SOAT2: variants seen among roughly 807,000 people sequenced by gnomAD.
The protein encoded by SOAT2 is ACAT-2.
Under a neutral mutation model 76.0 loss-of-function variants are expected in SOAT2, and 87 were observed. The ratio of observed to expected loss-of-function variants is 1.14; its 90% CI spans 0.96 to 1.37. The LOEUF (loss-of-function observed/expected upper bound fraction) is 1.37, where lower values mean the gene tolerates loss of function less well. Among genes scored for constraint, SOAT2 ranks in the 40% most tolerant of loss-of-function variants. The probability of loss-of-function intolerance (pLI) is 0.00; values close to 1 mark genes in which losing one functional copy is unlikely to be tolerated. For missense variants in SOAT2, 686 were observed against 682.1 expected, an observed-to-expected ratio of 1.01 and a Z score of -0.06; for synonymous variants, 285 against 275.4, an observed-to-expected ratio of 1.03 and a Z score of -0.34.
intron 5 of SOAT2, among the ~76,000 whole-genome samples, chr12:53,112,610 C>T (rs1938031929): frequency 6.6e-6 from 1 of 150,864 alleles, no homozygotes; most frequent in Non-Finnish European, 1.5e-5. Flanking sequence ...AACATGAAAG[C>T]CTTTTAAATA....
At chr12:53,123,032 G>A in intron 12 of SOAT2, 49 bp from the exon 13 acceptor site, 1 of 1,531,136 alleles carries the variant, frequency 6.5e-7, no homozygotes, top group Non-Finnish European at 8.8e-7. Flanking sequence ...GGCTCTTTGT[G>A]GAGGAGCTCA....
At position 53,121,302 on chromosome 12, in the gene SOAT2, G is replaced by A. The variant is rs186039297; in HGVS notation, c.1138-1G>A. 1.2e-5 allele frequency: 20 copies of A among 1,613,318 alleles called. No homozygotes were observed. In the Admixed American group the frequency reaches 1.8e-4, roughly 15 times the overall value. The stretch of plus-strand genomic sequence containing the variant: ...CCCCACTCTGACCCCACCTTCTCCA[G>A]GACTGGTGGAACTCAACGTCCTTCT... On this transcript the variant is annotated splice_acceptor_variant, in intron 11 of 14. Coordinates refer to ENST00000301466, the MANE Select transcript of SOAT2 (RefSeq NM_003578.4). LOFTEE classifies it high-confidence loss of function.
At chr12:53,104,036 G>A in intron 1 of SOAT2, 115 bp from the exon 2 acceptor site, 1 of 890,698 alleles carries the variant, frequency 1.1e-6, no homozygotes, top group Non-Finnish European at 1.9e-6. Flanking sequence ...GATATTGGCT[G>A]GTTGGGGTGA....
chr12:53,116,024 C>A, intron 6 of SOAT2, 73 bp from the exon 7 acceptor site: 1 of 1,314,420 alleles, frequency 7.6e-7, no homozygotes, highest in African/African-American at 1.5e-5. Context: ...AGAGGTAACC[C>A]AGAGCACAGA....
chr12:53,106,710 T>G (rs551434252), intron 5 of SOAT2, among the ~76,000 whole-genome samples: 4 of 152,324 alleles, frequency 2.6e-5, no homozygotes, highest in Admixed American at 6.5e-5. Context: ...CAACTAAAAA[T>G]TACAATTTCC....
At chr12:53,123,333 G>A in intron 13 of SOAT2, 117 bp downstream of exon 13, 1 of 1,307,674 alleles carries the variant, frequency 7.6e-7, no homozygotes, top group Non-Finnish European at 1.1e-6. Context: ...AGGCAAGGCT[G>A]CTGAGACTGA....
chr12:53,124,422 G>C lies in SOAT2; in HGVS notation c.*299G>C. 2.4e-6 allele frequency: 1 copy of C among 419,868 alleles called. No individual in the cohort carries two copies. Among genetic ancestry groups the C allele is most frequent in the Non-Finnish European group, 4.3e-6 (1 of 233,816 alleles). 26.0% of individuals were successfully genotyped at this position (419,868 alleles called of 1,614,324 possible). On this transcript the variant is annotated 3_prime_UTR_variant, in exon 15 of 15. Coordinates refer to ENST00000301466, the MANE Select transcript of SOAT2 (RefSeq NM_003578.4). ...GAGACTTGGGGTACCTTATGGATTT[G>C]ATGAATGTGGGGGAACTCAGAGGAA...
intron 5 of SOAT2, among the ~76,000 whole-genome samples, chr12:53,107,921 C>T (rs1937960216): frequency 6.6e-6 from 1 of 152,094 alleles, no homozygotes; most frequent in Non-Finnish European, 1.5e-5. Flanking sequence ...CTGAGCCCAG[C>T]CATAGTTTTT....
intron 3 of SOAT2, 125 bp from the exon 4 acceptor site, chr12:53,105,436 G>C (rs1229402542): frequency 8.3e-7 from 1 of 1,206,630 alleles, no homozygotes; most frequent in Admixed American, 2.1e-5. Flanking sequence ...ACCCGGTCCT[G>C]CCCTCTGGCC....
chr12:53,115,781 G>A (rs1176514236), intron 6 of SOAT2, 127 bp downstream of exon 6: 38 of 1,189,450 alleles, frequency 3.2e-5, no homozygotes, highest in Middle Eastern at 2.9e-4. Flanking sequence ...CATTGGCAGG[G>A]GCGGAGCTAG....
At chr12:53,106,540 G>T (rs1937939344) in intron 5 of SOAT2, among the ~76,000 whole-genome samples, 1 of 152,158 alleles carries the variant, frequency 6.6e-6, no homozygotes, top group Non-Finnish European at 1.5e-5. Flanking sequence ...TACCCCTGGG[G>T]GTCTGTATTT....
chr12:53,123,321 G>A (rs1159437327), intron 13 of SOAT2, 105 bp downstream of exon 13: 10 of 1,419,204 alleles, frequency 7.0e-6, no homozygotes, highest in Non-Finnish European at 9.8e-6. Context: ...CCCCAGGCCT[G>A]GAGGCAAGGC....
intron 5 of SOAT2, among the ~76,000 whole-genome samples, chr12:53,108,749 G>T (rs1373680348): frequency 6.6e-6 from 1 of 152,192 alleles, no homozygotes; most frequent in Non-Finnish European, 1.5e-5. Context: ...CCATTGTGAT[G>T]TCACAATCTA....
intron 5 of SOAT2, among the ~76,000 whole-genome samples, chr12:53,107,089 T>G (rs949284546): frequency 6.6e-6 from 1 of 152,190 alleles, no homozygotes; most frequent in Non-Finnish European, 1.5e-5. Context: ...ACTGAAACAG[T>G]TGTTATGGAG....
At chr12:53,107,201 G>C (rs1937948978) in intron 5 of SOAT2, among the ~76,000 whole-genome samples, 1 of 152,196 alleles carries the variant, frequency 6.6e-6, no homozygotes, top group African/African-American at 2.4e-5. Context: ...CAGGGAGATG[G>C]GGAGTCGTAA....
intron 6 of SOAT2, 62 bp from the exon 7 acceptor site, chr12:53,116,035 G>C: frequency 7.2e-7 from 1 of 1,398,004 alleles, no homozygotes; most frequent in South Asian, 1.2e-5. Flanking sequence ...AGAGCACAGA[G>C]AGGTTAAGCG....
At chr12:53,122,750 C>T (rs1318081026) in intron 12 of SOAT2, among the ~76,000 whole-genome samples, 1 of 152,186 alleles carries the variant, frequency 6.6e-6, no homozygotes, top group Non-Finnish European at 1.5e-5. Context: ...ACAGACACCG[C>T]AACCATCCGA....
chr12:53,119,046 C>G (rs1938148286), intron 9 of SOAT2, 78 bp from the exon 10 acceptor site: 2 of 1,609,816 alleles, frequency 1.2e-6, no homozygotes, highest in African/African-American at 2.7e-5. Context: ...AAGAGAAGGC[C>G]AGTGCTGGGC....
chr12:53,106,616 C>T (rs148036027), intron 5 of SOAT2, among the ~76,000 whole-genome samples: 6,323 of 152,222 alleles, frequency 0.042, 246 homozygotes, highest in South Asian at 0.17. Context: ...GGCCCAATAA[C>T]GAGATGCAGA....
Sources: gnomAD v4.1 joint callset for allele counts (sites outside exome capture counted in the v4.1 genomes callset) on GRCh38, gnomAD v4.1.1 for gene constraint, MANE v1.5 for transcripts, NCBI Gene and HGNC (gene_info 2026-07-23, HGNC 2026-07-21) for gene names.